RGS7: variants seen among roughly 807,000 people sequenced by gnomAD.
RGS7 encodes regulator of G-protein signaling 7.
RGS7 carries 27 observed loss-of-function variants against 81.1 expected under a neutral mutation model. The ratio of observed to expected loss-of-function variants is 0.33; its 90% CI spans 0.25 to 0.46. The LOEUF (loss-of-function observed/expected upper bound fraction) is 0.46. RGS7 is among the 20% of genes least tolerant of loss of function. The pLI is 1.00. For synonymous variants in RGS7, 208 were observed against 207.7 expected, an observed-to-expected ratio of 1.00 and a Z score of -0.01; for missense variants, 396 against 607.4, an observed-to-expected ratio of 0.65 and a Z score of 3.66.
chr1:240,793,611 A>ATATAT lies in RGS7; in HGVS notation c.*6+7029_*6+7030insATATA. Among the ~76,000 whole-genome samples the ATATAT allele has an allele frequency of 1.4e-3, 110 of 78,816 alleles. 6 individuals are homozygous for ATATAT. Among genetic ancestry groups the ATATAT allele is most frequent in the African/African-American group, 9.6e-3 (99 of 10,310 alleles). 51.7% of individuals were successfully genotyped at this position (78,816 alleles called of 152,430 possible). On this transcript the variant is annotated intron_variant, in intron 18 of 18. Coordinates refer to ENST00000440928, the MANE Select transcript of RGS7 (RefSeq NM_001364886.1). ...AATATATATATATATATATATATAT[A>ATATAT]TTTTTTTTTTTTTTTTGAGACAGAG...
intron 18 of RGS7, among the ~76,000 whole-genome samples, chr1:240,788,490 G>T (rs370328827): frequency 3.9e-5 from 6 of 152,292 alleles, no homozygotes; most frequent in Admixed American, 3.3e-4. Context: ...AGCAGCATCA[G>T]CATCACTGAG....
At chr1:241,030,166 G>A (rs2059995725) in intron 3 of RGS7, among the ~76,000 whole-genome samples, 1 of 151,966 alleles carries the variant, frequency 6.6e-6, no homozygotes, top group Non-Finnish European at 1.5e-5. Flanking sequence ...TGCACCCCTT[G>A]CTCTATCAAG....
intron 4 of RGS7, among the ~76,000 whole-genome samples, chr1:240,955,551 C>CAAAAAAAAAAAAAAAAAAAAA (rs369155474): frequency 1.4e-4 from 19 of 140,282 alleles, no homozygotes; most frequent in South Asian, 2.3e-4. Context: ...GACTCTGTCT[C>CAAAAAAAAAAAAAAAAAAAAA]AAAAAAAAAA....
At chr1:240,846,637 A>C (rs1250270395) in intron 9 of RGS7, among the ~76,000 whole-genome samples, 2 of 151,656 alleles carry the variant, frequency 1.3e-5, no homozygotes, top group Non-Finnish European at 2.9e-5. Context: ...GTCCCTATTG[A>C]CCTCCTTCTG....
At chr1:241,094,308 G>T (rs188973728) in intron 3 of RGS7, among the ~76,000 whole-genome samples, 1 of 151,288 alleles carries the variant, frequency 6.6e-6, no homozygotes, top group African/African-American at 2.4e-5. Context: ...CAAAGTTCTG[G>T]GAATCTCAAC....
At chr1:241,198,845 A>G (rs2073275162) in intron 2 of RGS7, among the ~76,000 whole-genome samples, 1 of 152,210 alleles carries the variant, frequency 6.6e-6, no homozygotes, top group South Asian at 2.1e-4. Flanking sequence ...TGAGGTTACC[A>G]TAATCTTCAT....
chr1:241,200,922 A>G (rs1466270211), intron 2 of RGS7, among the ~76,000 whole-genome samples: 1 of 151,714 alleles, frequency 6.6e-6, no homozygotes, highest in Non-Finnish European at 1.5e-5. Context: ...TCCAACCCTA[A>G]TTTTTCTCCC....
intron 4 of RGS7, among the ~76,000 whole-genome samples, chr1:240,964,357 G>A (rs955719725): frequency 1.3e-5 from 2 of 152,122 alleles, no homozygotes; most frequent in South Asian, 4.1e-4. Context: ...TTGAGGTTGG[G>A]AACCATGACA....
chr1:240,961,787 T>C (rs1161995246), intron 4 of RGS7, among the ~76,000 whole-genome samples: 1 of 152,182 alleles, frequency 6.6e-6, no homozygotes, highest in Non-Finnish European at 1.5e-5. Context: ...AGAAGTTTTA[T>C]CAACATTGAT....
intron 14 of RGS7, among the ~76,000 whole-genome samples, chr1:240,807,281 T>C (rs1452336108): frequency 1.3e-5 from 2 of 152,146 alleles, no homozygotes; most frequent in African/African-American, 2.4e-5. Context: ...TAAATGAGTA[T>C]ATCATAATTT....
chr1:241,202,406 C>T (rs1052412240), intron 2 of RGS7, among the ~76,000 whole-genome samples: 1 of 152,126 alleles, frequency 6.6e-6, no homozygotes, highest in African/African-American at 2.4e-5. Flanking sequence ...TGACAAAAGG[C>T]AGATTAACAA....
At chr1:240,935,901 C>T (rs1183752517) in intron 5 of RGS7, among the ~76,000 whole-genome samples, 5 of 152,150 alleles carry the variant, frequency 3.3e-5, no homozygotes, top group Non-Finnish European at 5.9e-5. Flanking sequence ...ATTTTACAGG[C>T]TAGAATCTGC....
At chr1:241,263,075 G>A (rs1263271561) in intron 2 of RGS7, among the ~76,000 whole-genome samples, 1 of 152,020 alleles carries the variant, frequency 6.6e-6, no homozygotes, top group Non-Finnish European at 1.5e-5. Flanking sequence ...CTCCAGCCTG[G>A]GCGAAAGAGC....
chr1:241,332,411 C>T (rs1414697915), intron 2 of RGS7, among the ~76,000 whole-genome samples: 2 of 151,968 alleles, frequency 1.3e-5, no homozygotes, highest in African/African-American at 2.4e-5. Flanking sequence ...GGAAAGAATG[C>T]CAGAAAAATA....
At chr1:240,865,458 G>A (rs1244773514) in intron 9 of RGS7, among the ~76,000 whole-genome samples, 2 of 152,198 alleles carry the variant, frequency 1.3e-5, no homozygotes, top group Non-Finnish European at 2.9e-5. Flanking sequence ...ATTCTACGTT[G>A]CTCAGGAGGC....
intron 9 of RGS7, among the ~76,000 whole-genome samples, chr1:240,842,788 T>C (rs2147887989): frequency 6.6e-6 from 1 of 152,256 alleles, no homozygotes; most frequent in South Asian, 2.1e-4. Flanking sequence ...TTTCTTTCTT[T>C]CTTTTTTGGA....
chr1:241,151,398 T>C (rs1052142919), intron 2 of RGS7, among the ~76,000 whole-genome samples: 4 of 151,728 alleles, frequency 2.6e-5, no homozygotes, highest in Non-Finnish European at 4.4e-5. Flanking sequence ...TGTCCAGCCA[T>C]GCAAGAAGAC....
At chr1:241,274,923 G>A (rs2078112434) in intron 2 of RGS7, among the ~76,000 whole-genome samples, 1 of 152,212 alleles carries the variant, frequency 6.6e-6, no homozygotes, top group African/African-American at 2.4e-5. Flanking sequence ...GTACTGACGA[G>A]ATATTTCCTT....
chr1:241,255,590 A>G (rs1490632082), intron 2 of RGS7, among the ~76,000 whole-genome samples: 8 of 152,244 alleles, frequency 5.3e-5, no homozygotes, highest in Non-Finnish European at 1.5e-5. Context: ...AACTGCTGTC[A>G]GCATTTAGGG....
Sources: gnomAD v4.1 joint callset for allele counts (sites outside exome capture counted in the v4.1 genomes callset) on GRCh38, gnomAD v4.1.1 for gene constraint, MANE v1.5 for transcripts, NCBI Gene and HGNC (gene_info 2026-07-23, HGNC 2026-07-21) for gene names.